The following EVA1C variants were observed in gnomAD, a reference collection of about 807,000 sequenced individuals.
EVA1C encodes the protein eva-1 homolog C, also known as protein eva-1 homolog C.
EVA1C carries 25 observed loss-of-function variants against 45.4 expected under a neutral mutation model. The observed-to-expected ratio is 0.55, with a 90% CI of 0.40 to 0.77. The LOEUF (loss-of-function observed/expected upper bound fraction) is 0.77, where lower values mean the gene tolerates loss of function less well. Among genes scored for constraint, EVA1C ranks in the 30% least tolerant of loss-of-function variants. The pLI is 0.00. For synonymous variants in EVA1C, 190 were observed against 221.2 expected (o/e 0.86, Z 1.25); for missense variants, 479 against 554.8 (o/e 0.86, Z 1.37).
chr21:32,501,997 TTTCTTTCTTTCTTTC>T, intron 6 of EVA1C, among the ~76,000 whole-genome samples: 1 of 27,754 alleles, frequency 3.6e-5, no homozygotes, highest in South Asian at 1.3e-3. Flanking sequence ...TCTTTCTTTC[TTTCTTTCTTTCTTTC>T]TTTCTTTCTT....
intron 1 of EVA1C, among the ~76,000 whole-genome samples, chr21:32,439,622 C>A (rs1451233030): frequency 1.3e-5 from 2 of 152,112 alleles, no homozygotes; most frequent in African/African-American, 4.8e-5. Flanking sequence ...GGAATAGATA[C>A]AGCTGGTCAC....
chr21:32,469,138 T>C (rs1441376857), intron 4 of EVA1C, among the ~76,000 whole-genome samples: 1 of 152,112 alleles, frequency 6.6e-6, no homozygotes, highest in African/African-American at 2.4e-5. Context: ...GAGTCATCAA[T>C]GGCACAACAC....
At chr21:32,505,068 A>T (rs2037682841) in intron 7 of EVA1C, among the ~76,000 whole-genome samples, 1 of 151,998 alleles carries the variant, frequency 6.6e-6, no homozygotes. Context: ...GGAAAGACCC[A>T]CCCCATGATT....
intron 1 of EVA1C, among the ~76,000 whole-genome samples, chr21:32,435,743 GGAAAAGCACTGCT>G (rs776857275): frequency 2.6e-5 from 4 of 152,276 alleles, no homozygotes; most frequent in Non-Finnish European, 4.4e-5. Context: ...AAAAATCAGA[GGAAAAGCACTGCT>G]GAAGTACTAA....
chr21:32,499,427 C>T (rs2146424056), intron 5 of EVA1C, among the ~76,000 whole-genome samples: 1 of 152,344 alleles, frequency 6.6e-6, no homozygotes, highest in East Asian at 1.9e-4. Flanking sequence ...TGGAAATCAT[C>T]AGCCACATCC....
intron 1 of EVA1C, among the ~76,000 whole-genome samples, chr21:32,437,786 T>G (rs1317004074): frequency 6.6e-6 from 1 of 152,186 alleles, no homozygotes; most frequent in African/African-American, 2.4e-5. Context: ...CTCCCAGTGT[T>G]CATCTCGTGA....
At chr21:32,423,958 T>A (rs1353186715) in intron 1 of EVA1C, among the ~76,000 whole-genome samples, 1 of 152,232 alleles carries the variant, frequency 6.6e-6, no homozygotes, top group African/African-American at 2.4e-5. Flanking sequence ...AACCTAAGAA[T>A]GATCTCCAAA....
At chr21:32,494,430 A>C (rs1486417052) in intron 4 of EVA1C, among the ~76,000 whole-genome samples, 1 of 152,228 alleles carries the variant, frequency 6.6e-6, no homozygotes, top group Non-Finnish European at 1.5e-5. Context: ...TCTTCATTCA[A>C]TGTTCTTCAT....
At chr21:32,436,341 C>T (rs1601250628) in intron 1 of EVA1C, among the ~76,000 whole-genome samples, 1 of 152,206 alleles carries the variant, frequency 6.6e-6, no homozygotes, top group African/African-American at 2.4e-5. Context: ...GGATTACAGA[C>T]ATGAGCCACC....
chr21:32,439,818 G>A (rs1056325677), intron 1 of EVA1C, among the ~76,000 whole-genome samples: 3 of 151,820 alleles, frequency 2.0e-5, no homozygotes, highest in African/African-American at 7.3e-5. Flanking sequence ...GGTTTATAGT[G>A]CTACTCTCCA....
intron 1 of EVA1C, among the ~76,000 whole-genome samples, chr21:32,415,737 C>G (rs2034011508): frequency 6.6e-6 from 1 of 152,162 alleles, no homozygotes; most frequent in East Asian, 1.9e-4. Flanking sequence ...ACCGCCTTCT[C>G]TCTCATCTCC....
intron 1 of EVA1C, among the ~76,000 whole-genome samples, chr21:32,418,660 G>T (rs2034145439): frequency 6.6e-6 from 1 of 152,188 alleles, no homozygotes; most frequent in Non-Finnish European, 1.5e-5. Flanking sequence ...CAGAGCTGAG[G>T]CAGGCTCCAG....
chr21:32,420,533 A>G (rs544238701), intron 1 of EVA1C, among the ~76,000 whole-genome samples: 2 of 151,240 alleles, frequency 1.3e-5, no homozygotes, highest in East Asian at 3.9e-4. Flanking sequence ...CTATAGTCAC[A>G]TGCCAGCAGG....
At chr21:32,497,215 C>T (rs2037381569) in intron 5 of EVA1C, 2 of 812,606 alleles carry the variant, frequency 2.5e-6, no homozygotes, top group Non-Finnish European at 4.4e-6. Flanking sequence ...AGGGAAAAAC[C>T]GTCCAGCAGA....
At chr21:32,445,166 T>C (rs910624509) in intron 1 of EVA1C, among the ~76,000 whole-genome samples, 1 of 151,956 alleles carries the variant, frequency 6.6e-6, no homozygotes, top group African/African-American at 2.4e-5. Context: ...GGAGGGTGAG[T>C]AGAGGAAATA....
At chr21:32,439,324 T>C (rs1034683950) in intron 1 of EVA1C, among the ~76,000 whole-genome samples, 1 of 150,116 alleles carries the variant, frequency 6.7e-6, no homozygotes, top group Non-Finnish European at 1.5e-5. Flanking sequence ...CACAGGACAA[T>C]TAAGAAAGTG....
At chr21:32,478,868 G>A (rs1282669047) in intron 4 of EVA1C, among the ~76,000 whole-genome samples, 3 of 152,362 alleles carry the variant, frequency 2.0e-5, no homozygotes, top group Middle Eastern at 3.4e-3. Context: ...CACACAATAG[G>A]CCTCAAAGGC....
At chr21:32,460,542 T>C (rs1456448840) in intron 3 of EVA1C, among the ~76,000 whole-genome samples, 1 of 152,188 alleles carries the variant, frequency 6.6e-6, no homozygotes, top group Admixed American at 6.5e-5. Context: ...GTGCTTAATA[T>C]GTATTCACAG....
rs574735295 is a variant in EVA1C at position 32,496,700 on chromosome 21, G to C, written c.778+1530G>C. ...CCAGTAACTTCAGGCCTCTTCATCA[G>C]AGTGTTGAATAAGAAGCAGAACTTT... On this transcript the variant is annotated intron_variant, in intron 5 of 7. Transcript: ENST00000300255. 41 of 584,818 alleles carry C rather than the reference G, an allele frequency of 7.0e-5. No individual in the cohort carries two copies. In the South Asian group the frequency reaches 8.1e-4, roughly 11 times the overall value. The allele number at this position is 584,818 out of a possible 1,614,324, so 36.2% of individuals were successfully genotyped here.
Sources: allele counts gnomAD v4.1 joint callset (sites outside exome capture counted in the v4.1 genomes callset), GRCh38; gene constraint gnomAD v4.1.1; transcripts MANE v1.5; gene names NCBI Gene and HGNC (gene_info 2026-07-23, HGNC 2026-07-21).